Variants in PTAR1 observed in about 807,000 individuals in gnomAD.
PTAR1 encodes protein prenyltransferase alpha subunit repeat-containing protein 1.
In PTAR1, 17 loss-of-function variants were observed where a neutral mutation model predicts 45.5. The observed-to-expected ratio is 0.37, with a 90% CI of 0.26 to 0.56. The LOEUF is 0.56. Ranked by LOEUF, PTAR1 falls within the 20% of genes least tolerant of loss-of-function variation. The pLI is 0.77. For missense variants in PTAR1, 391 were observed against 476.3 expected (o/e 0.82, Z 1.67); for synonymous variants, 169 against 171.3 (o/e 0.99, Z 0.11).
At chr9:69,747,616 G>A (rs1826331966) in intron 2 of PTAR1, among the ~76,000 whole-genome samples, 2 of 152,194 alleles carry the variant, frequency 1.3e-5, no homozygotes, top group South Asian at 4.1e-4. Flanking sequence ...AGCTTGAAAA[G>A]GCTGTGATAA....
chr9:69,751,232 C>A (rs1214810291), intron 1 of PTAR1, among the ~76,000 whole-genome samples: 1 of 151,898 alleles, frequency 6.6e-6, no homozygotes, highest in Non-Finnish European at 1.5e-5. Context: ...TTTGATCCAG[C>A]AATTCAACTG....
rs965881536 is a variant in PTAR1, at chr9:69,714,715, A to C, written c.*3627T>G. The C allele has an allele frequency of 1.3e-4, 20 of 152,124 alleles. No individual in the cohort carries two copies. Among genetic ancestry groups the C allele is most frequent in the Admixed American group, 9.8e-4 (15 of 15,246 alleles). The allele number at this position is 152,124 out of a possible 1,614,324, so 9.4% of individuals were successfully genotyped here. A position where few individuals can be genotyped will look rare whatever the true frequency, so the allele number is the denominator to read the frequency against. On this transcript the variant is annotated 3_prime_UTR_variant, in exon 8 of 8. Coordinates refer to ENST00000340434, the MANE Select transcript of PTAR1 (RefSeq NM_001099666.2). ...TTTTAGAGATAACCTGTATATATTT[A>C]ACCCTACTAATAATTAAGCCTTTAA...
chr9:69,757,650 C>T (rs1029870713), intron 1 of PTAR1: 4 of 151,768 alleles, frequency 2.6e-5, no homozygotes, highest in Non-Finnish European at 4.4e-5. Context: ...AAATTACAAC[C>T]GATCTTAAGT....
chr9:69,746,408 TCA>T (rs1826277956), intron 2 of PTAR1, among the ~76,000 whole-genome samples: 1 of 152,220 alleles, frequency 6.6e-6, no homozygotes, highest in Non-Finnish European at 1.5e-5. Flanking sequence ...AGATGCTCTT[TCA>T]CTCTACCACA....
At chr9:69,741,376 A>G in intron 3 of PTAR1, 1 of 155,178 alleles carries the variant, frequency 6.4e-6, no homozygotes, top group Non-Finnish European at 1.4e-5. Flanking sequence ...TCAGTTGCTC[A>G]GGGAAAAAGC....
rs1158095864 is a variant in PTAR1 at position 69,710,156 on chromosome 9, G to A, written c.*8186C>T. On this transcript the variant is annotated 3_prime_UTR_variant, in exon 8 of 8. Transcript: ENST00000340434. ...ATACTCTATGAATCTGTACTGTCCA[G>A]TATAGTAGCCCTTAGCCATATGTGA... 1 of 152,028 alleles carries A rather than the reference G, an allele frequency of 6.6e-6. No individual in the cohort carries two copies. Among genetic ancestry groups the A allele is most frequent in the African/African-American group, 2.4e-5 (1 of 41,404 alleles). The allele number at this position is 152,028 out of a possible 1,614,324, so 9.4% of individuals were successfully genotyped here.
In PTAR1 at chr9:69,732,301, C is replaced by A; in HGVS notation, c.480G>T (p.Val160=). 2 of 1,613,774 alleles carry A rather than the reference C, an allele frequency of 1.2e-6. No homozygotes were observed. Among genetic ancestry groups the A allele is most frequent in the South Asian group, 2.2e-5 (2 of 91,064 alleles). The change falls in exon 5 of 8, where the codon GTG becomes GTT. Residue 160 remains valine, a synonymous_variant. Transcript: ENST00000340434. ...LIQETSLPSF[V]TKGNLGTIPT... ...GAATTGTTCCCAAGTTTCCTTTGGT[C>A]ACAAAGGAAGGCAAGGAGGTTTCCT... is the stretch of plus-strand genomic sequence containing the variant.
chr9:69,728,530 G>A (rs1316670164), intron 5 of PTAR1, among the ~76,000 whole-genome samples: 1 of 152,116 alleles, frequency 6.6e-6, no homozygotes, highest in Non-Finnish European at 1.5e-5. Flanking sequence ...GTGTGAAGTG[G>A]TATCTCACTC....
At position 69,709,583 on chromosome 9, in the gene PTAR1, T is replaced by C. The variant is rs147801240; in HGVS notation, c.*8759A>G. 9 of 152,266 alleles carry C rather than the reference T, an allele frequency of 5.9e-5. No homozygotes were observed. Among genetic ancestry groups the C allele is most frequent in the African/African-American group, 1.4e-4 (6 of 41,574 alleles). 9.4% of individuals were successfully genotyped at this position (152,266 alleles called of 1,614,324 possible). A position where few individuals can be genotyped will look rare whatever the true frequency, so the allele number is the denominator to read the frequency against. On this transcript the variant is annotated 3_prime_UTR_variant, in exon 8 of 8. Transcript: ENST00000340434. ...AAACATTTAGCAAAGGTAAGACAAA[T>C]ACTATTTTCCATATTCTACAGAAAT...
chr9:69,718,353 A>T lies in PTAR1; in HGVS notation c.1198T>A (p.Leu400Met), dbSNP rs1223257718. ...ASAYRKWLVT[L>M]SQ ...CTAATTCACCTCTTTCATTGACTCA[A>T]AGTAACCAGCCATTTCCTGTATGCA... Residue 400 changes from leucine to methionine, a missense_variant, in exon 8 of 8, where the codon TTG (leucine) becomes ATG (methionine). Around this residue, in one of 5 missense-constraint regions of PTAR1, gnomAD observed 181 missense variants for 227.7 expected, o/e 0.80. Transcript: ENST00000340434. 2 of 1,601,102 alleles carry T rather than the reference A, an allele frequency of 1.2e-6. No individual in the cohort carries two copies. Among genetic ancestry groups the T allele is most frequent in the Non-Finnish European group, 1.7e-6 (2 of 1,171,742 alleles).
chr9:69,730,470 TC>T (rs1259093767), intron 5 of PTAR1, among the ~76,000 whole-genome samples: 3 of 150,804 alleles, frequency 2.0e-5, no homozygotes, highest in Admixed American at 6.6e-5. Flanking sequence ...TCCCCAATCC[TC>T]CCCATATCTC....
intron 2 of PTAR1, among the ~76,000 whole-genome samples, chr9:69,746,081 C>T (rs2134150746): frequency 1.3e-5 from 2 of 152,314 alleles, no homozygotes; most frequent in East Asian, 3.9e-4. Flanking sequence ...CTTTCACAAA[C>T]TGCTAAAACT....
chr9:69,722,643 GA>G (rs796352009), intron 6 of PTAR1, among the ~76,000 whole-genome samples: 4,047 of 144,002 alleles, frequency 0.028, 160 homozygotes, highest in African/African-American at 0.085. Context: ...TTCTAGGGGG[GA>G]AAAAAAAAAA....
At chr9:69,748,645 A>C (rs1221961026) in intron 2 of PTAR1, among the ~76,000 whole-genome samples, 1 of 152,048 alleles carries the variant, frequency 6.6e-6, no homozygotes, top group African/African-American at 2.4e-5. Context: ...ATCTTTCTTC[A>C]CTTGGGTCTT....
At chr9:69,754,568 T>C (rs1588489950) in intron 1 of PTAR1, among the ~76,000 whole-genome samples, 1 of 132,938 alleles carries the variant, frequency 7.5e-6, no homozygotes, top group Admixed American at 7.8e-5. Flanking sequence ...TGAGACAGGA[T>C]CTTGCTCTGT....
At chr9:69,759,008 C>G (rs1230866623) in intron 1 of PTAR1, among the ~76,000 whole-genome samples, 1 of 150,878 alleles carries the variant, frequency 6.6e-6, no homozygotes, top group East Asian at 1.9e-4. Context: ...TAATGTAGAT[C>G]TCTCTCTCTC....
chr9:69,738,852 G>A (rs979290151), intron 3 of PTAR1, among the ~76,000 whole-genome samples: 8 of 145,898 alleles, frequency 5.5e-5, no homozygotes, highest in Admixed American at 4.9e-4. Context: ...TCTGTCACCA[G>A]GCTGGAGTGC....
At chr9:69,754,266 G>A (rs1347076542) in intron 1 of PTAR1, among the ~76,000 whole-genome samples, 1 of 152,104 alleles carries the variant, frequency 6.6e-6, no homozygotes, top group Non-Finnish European at 1.5e-5. Context: ...CTGAGGTACA[G>A]TGAGGTTTAT....
Position 69,734,258 on chromosome 9 carries a change from T to C in PTAR1, c.324-4A>G, listed in dbSNP as rs1355477792. On this transcript the variant is annotated splice_region_variant and splice_polypyrimidine_tract_variant and intron_variant, in intron 3 of 7. Coordinates refer to ENST00000340434, the MANE Select transcript of PTAR1 (RefSeq NM_001099666.2). ...GCCAGAGAGGATCAGCTCTTTCCTG[T>C]AAAAAAAAAAAAAAAAAAAAAAAAA... 4.8e-6 allele frequency: 1 copy of C among 206,930 alleles called. No individual in the cohort carries two copies. The highest frequency in any genetic ancestry group is 8.0e-6 in the Non-Finnish European group (1 of 124,730). 12.8% of individuals were successfully genotyped at this position (206,930 alleles called of 1,614,324 possible). A position where few individuals can be genotyped will look rare whatever the true frequency, so the allele number is the denominator to read the frequency against.
Sources: allele counts gnomAD v4.1 joint callset (sites outside exome capture counted in the v4.1 genomes callset), GRCh38; gene constraint gnomAD v4.1.1; regional missense constraint gnomAD v4.1.1; transcripts MANE v1.5; gene names NCBI Gene and HGNC (gene_info 2026-07-23, HGNC 2026-07-21).